The following SLC12A2 variants were observed in gnomAD, a reference collection of about 807,000 sequenced individuals.
SLC12A2 encodes the protein Na-K-2Cl cotransporter 1.
A neutral mutation model predicts 136.3 loss-of-function variants in SLC12A2; 67 were observed. The observed-to-expected ratio is 0.49, with a 90% CI of 0.40 to 0.60. The LOEUF is 0.60. Ranked by LOEUF, SLC12A2 falls within the 20% of genes least tolerant of loss-of-function variation. The probability of loss-of-function intolerance (pLI) is 0.00; values close to 1 mark genes in which losing one functional copy is unlikely to be tolerated. For synonymous variants in SLC12A2, 619 were observed against 562.9 expected, an observed-to-expected ratio of 1.10 and a Z score of -1.41; for missense variants, 1,322 against 1,534.7, an observed-to-expected ratio of 0.86 and a Z score of 2.32.
intron 1 of SLC12A2, among the ~76,000 whole-genome samples, chr5:128,103,386 A>G (rs561714843): frequency 1.8e-4 from 28 of 152,322 alleles, no homozygotes; most frequent in African/African-American, 6.3e-4. Context: ...ATTTGAGCCT[A>G]TCTCTGACTT....
chr5:128,156,266 C>A (rs1762867354), intron 15 of SLC12A2, among the ~76,000 whole-genome samples: 1 of 152,006 alleles, frequency 6.6e-6, no homozygotes, highest in South Asian at 2.1e-4. Flanking sequence ...TCATTTTTTT[C>A]TGATTTGTCA....
Position 128,084,229 on chromosome 5 carries a change from G to T in SLC12A2, c.275G>T (p.Arg92Leu), listed in dbSNP as rs1759954257. Residue 92 changes from arginine to leucine, a missense_variant, in exon 1 of 27, where the codon CGG becomes CTG. By Grantham distance (102) the Arg-to-Leu change is moderately radical (BLOSUM62 -2). Coordinates refer to ENST00000262461, the MANE Select transcript of SLC12A2 (RefSeq NM_001046.3). This position sits in a 1 kb window ranked among gnomAD's most constrained non-coding sequence, Gnocchi z 5.6. ...QVDLVSENAG[R>L]AAAAAAAAAA... ...GACCTGGTTTCCGAGAACGCCGGGC[G>T]GGCCGCTGCTGCGGCGGCGGCGGCG... 2.4e-6 allele frequency: 3 copies of T among 1,276,028 alleles called. No individual in the cohort carries two copies. Among genetic ancestry groups the T allele is most frequent in the Non-Finnish European group, 2.9e-6 (3 of 1,021,250 alleles). The allele number at this position is 1,276,028 out of a possible 1,614,324, so 79.0% of individuals were successfully genotyped here. A position where few individuals can be genotyped will look rare whatever the true frequency, so the allele number is the denominator to read the frequency against.
intron 15 of SLC12A2, among the ~76,000 whole-genome samples, chr5:128,153,541 C>T (rs562774175): frequency 3.4e-4 from 52 of 152,114 alleles, no homozygotes; most frequent in African/African-American, 1.2e-3. Flanking sequence ...GGCAACAGAG[C>T]GAGACTCCAT....
chr5:128,117,566 T>G (rs1474936682), intron 4 of SLC12A2, among the ~76,000 whole-genome samples: 1 of 152,136 alleles, frequency 6.6e-6, no homozygotes, highest in Non-Finnish European at 1.5e-5. Context: ...ACTTAGAATA[T>G]TCCAACTTTG....
chr5:128,168,106 A>G (rs1763260775), intron 18 of SLC12A2: 1 of 308,800 alleles, frequency 3.2e-6, no homozygotes. Context: ...ACACACATAT[A>G]TGTATGTATA....
chr5:128,105,319 G>A (rs760450930), intron 1 of SLC12A2, among the ~76,000 whole-genome samples: 16 of 152,252 alleles, frequency 1.1e-4, no homozygotes, highest in Non-Finnish European at 2.1e-4. Context: ...GATAACCATG[G>A]AAAATACGGG....
chr5:128,135,750 C>G lies in SLC12A2; in HGVS notation c.1350C>G (p.Val450=). The change falls in exon 7 of 27, where the codon GTC becomes GTG. Residue 450 remains valine (V), a synonymous_variant. Coordinates refer to ENST00000262461, the MANE Select transcript of SLC12A2 (RefSeq NM_001046.3). ...TACTTCTTGCTATTGGTGATTTCGT[C>G]ATAGGAACATTTATCCCACTGGAGA... ...VILLLAIGDF[V]IGTFIPLESK... The G allele has an allele frequency of 1.2e-6, 2 of 1,612,642 alleles. No individual in the cohort carries two copies. The highest frequency in any genetic ancestry group is 1.7e-6 in the Non-Finnish European group (2 of 1,178,974).
At chr5:128,098,987 T>C (rs1760646610) in intron 1 of SLC12A2, among the ~76,000 whole-genome samples, 1 of 152,200 alleles carries the variant, frequency 6.6e-6, no homozygotes, top group Admixed American at 6.5e-5. Flanking sequence ...AGGCTCTCAG[T>C]TAAAAAGCAG....
chr5:128,086,993 A>G lies in SLC12A2; in HGVS notation c.756+2283A>G, dbSNP rs543801486. The stretch of plus-strand genomic sequence containing the variant: ...TCTACTTTGGTCTACTAAGTGCATA[A>G]TTATCTACCATGGGACTAACTCTGT... On this transcript the variant is annotated intron_variant, in intron 1 of 26. Transcript: ENST00000262461. Among the ~76,000 whole-genome samples the G allele has an allele frequency of 2.0e-5, 3 of 152,344 alleles. No individual in the cohort carries two copies. In the South Asian group the frequency reaches 6.2e-4, roughly 32 times the overall value.
intron 21 of SLC12A2, among the ~76,000 whole-genome samples, chr5:128,177,892 AT>A (rs1298914141): frequency 6.6e-6 from 1 of 152,090 alleles, no homozygotes; most frequent in Non-Finnish European, 1.5e-5. Flanking sequence ...TCCTTGGTGT[AT>A]TGTTCTCAGA....
chr5:128,171,874 A>C lies in SLC12A2; in HGVS notation c.2803+128A>C, dbSNP rs565550599. 1.9e-5 allele frequency: 11 copies of C among 583,698 alleles called. No individual in the cohort carries two copies. In the African/African-American group the frequency reaches 1.9e-4, roughly 10 times the overall value. The allele number at this position is 583,698 out of a possible 1,614,324, so 36.2% of individuals were successfully genotyped here. On this transcript the variant is annotated intron_variant, in intron 19 of 26. Coordinates refer to ENST00000262461, the MANE Select transcript of SLC12A2 (RefSeq NM_001046.3). ...ATGTATCGTGGACTTATTGTATGGC[A>C]TTTTAAGATCACATCTGTTTGGCTC...
At chr5:128,124,967 T>C (rs1338120308) in intron 4 of SLC12A2, among the ~76,000 whole-genome samples, 1 of 152,226 alleles carries the variant, frequency 6.6e-6, no homozygotes, top group African/African-American at 2.4e-5. Context: ...TTTTCTCACC[T>C]GATCAGTAAA....
In SLC12A2 at chr5:128,083,932, G is replaced by T; in HGVS notation, c.-23G>T. On this transcript the variant is annotated 5_prime_UTR_variant, in exon 1 of 27. Coordinates refer to ENST00000262461, the MANE Select transcript of SLC12A2 (RefSeq NM_001046.3). ...CCGGAGACGTCCGCCGGGCTCTGCAGTTCCGCCGGGGGTCGGGCAGCTATG... is the reference window on the plus strand; with the variant it reads ...CCGGAGACGTCCGCCGGGCTCTGCATTTCCGCCGGGGGTCGGGCAGCTATG... 8.2e-7 allele frequency: 1 copy of T among 1,225,646 alleles called. No individual in the cohort carries two copies. Among genetic ancestry groups the T allele is most frequent in the Non-Finnish European group, 1.0e-6 (1 of 983,418 alleles). The allele number at this position is 1,225,646 out of a possible 1,614,324, so 75.9% of individuals were successfully genotyped here.
chr5:128,185,129 C>A (rs1022194800), intron 26 of SLC12A2, among the ~76,000 whole-genome samples: 5 of 152,066 alleles, frequency 3.3e-5, no homozygotes, highest in Non-Finnish European at 7.4e-5. Flanking sequence ...TTTTAAAATT[C>A]CTTATCTTTG....
chr5:128,148,863 G>T lies in SLC12A2; in HGVS notation c.1991G>T (p.Gly664Val), dbSNP rs1414016011. ...ATCTTAACATTCTTAATTGCACTTG[G>T]ATTCATCTTAATTGGTTAGTTATAT... ...GYILTFLIAL[G>V]FILIAELNVI... Residue 664 changes from glycine (G) to valine (V), a missense_variant, in exon 12 of 27, where the codon GGA (glycine) becomes GTA (valine). Coordinates refer to ENST00000262461, the MANE Select transcript of SLC12A2 (RefSeq NM_001046.3). The T allele has an allele frequency of 6.3e-7, 1 of 1,598,354 alleles. No homozygotes were observed. The highest frequency in any genetic ancestry group is 8.5e-7 in the Non-Finnish European group (1 of 1,174,054).
At chr5:128,142,554 G>A (rs887955621) in intron 10 of SLC12A2, among the ~76,000 whole-genome samples, 3 of 152,092 alleles carry the variant, frequency 2.0e-5, no homozygotes, top group Non-Finnish European at 4.4e-5. Context: ...ATTAGTGTGT[G>A]TGTTTTTATA....
intron 9 of SLC12A2, among the ~76,000 whole-genome samples, chr5:128,141,190 T>G (rs1056826955): frequency 1.8e-4 from 28 of 152,120 alleles, no homozygotes; most frequent in African/African-American, 6.8e-4. Flanking sequence ...GCTCAATAAT[T>G]ATTACCCAGC....
In SLC12A2 at chr5:128,171,679, C is replaced by T. The variant is rs528426439; in HGVS notation, c.2736C>T (p.Asp912=). ...MYINLFHDAF[D]IQYGVVVIRL... is the part of the protein sequence containing the mutation. ...TTTTTGTTCTTAGTGATGCTTTTGA[C>T]ATACAATATGGAGTAGTGGTTATTC... Residue 912 remains aspartate (D), a synonymous_variant, in exon 19 of 27, where the codon GAC becomes GAT. Transcript: ENST00000262461. 1.3e-6 allele frequency: 2 copies of T among 1,567,804 alleles called. No individual in the cohort carries two copies. The highest frequency in any genetic ancestry group is 2.4e-5 in the South Asian group (2 of 82,000).
rs1761346511 is a variant in SLC12A2 at position 128,116,250 on chromosome 5, A to G, written c.1048+1569A>G. ...GGAATGGGGCATGAAGCCACTGGCAACATTAACTTCATGCTTTTCCCCCAT... is the reference window on the plus strand; with the variant it reads ...GGAATGGGGCATGAAGCCACTGGCAGCATTAACTTCATGCTTTTCCCCCAT... On this transcript the variant is annotated intron_variant, in intron 4 of 26. Coordinates refer to ENST00000262461, the MANE Select transcript of SLC12A2 (RefSeq NM_001046.3). Among the ~76,000 whole-genome samples, 3 of 152,184 alleles carry G rather than the reference A, an allele frequency of 2.0e-5. No homozygotes were observed. In the South Asian group the frequency reaches 6.2e-4, roughly 31 times the overall value.
Sources: allele counts gnomAD v4.1 joint callset (sites outside exome capture counted in the v4.1 genomes callset), GRCh38; gene constraint gnomAD v4.1.1; non-coding constraint Gnocchi (gnomAD v3.1); transcripts MANE v1.5; gene names NCBI Gene and HGNC (gene_info 2026-07-23, HGNC 2026-07-21).